TSPAN18: variants seen among roughly 807,000 people sequenced by gnomAD.
TSPAN18 encodes the protein tetraspanin-18.
A neutral mutation model predicts 27.3 loss-of-function variants in TSPAN18; 14 were observed. The observed-to-expected ratio is 0.51, with a 90% CI of 0.34 to 0.80. The LOEUF (loss-of-function observed/expected upper bound fraction) is 0.80, where lower values mean the gene tolerates loss of function less well. Among genes scored for constraint, TSPAN18 ranks in the 30% least tolerant of loss-of-function variants. The probability of loss-of-function intolerance (pLI) is 0.01; values close to 1 mark genes in which losing one functional copy is unlikely to be tolerated. For synonymous variants in TSPAN18, 143 were observed against 136.5 expected, an observed-to-expected ratio of 1.05 and a Z score of -0.33; for missense variants, 268 against 323.9, an observed-to-expected ratio of 0.83 and a Z score of 1.32.
intron 2 of TSPAN18, among the ~76,000 whole-genome samples, chr11:44,858,830 C>CAT (rs1857803670): frequency 6.6e-6 from 1 of 151,998 alleles, no homozygotes; most frequent in African/African-American, 2.4e-5. Flanking sequence ...CTGGTGAGCC[C>CAT]GCAAGAATGG....
intron 3 of TSPAN18, among the ~76,000 whole-genome samples, chr11:44,891,099 A>C (rs1263649482): frequency 6.6e-6 from 1 of 152,204 alleles, no homozygotes; most frequent in Non-Finnish European, 1.5e-5. Context: ...TGAGTCCAGA[A>C]GTTGGAGGCT....
intron 3 of TSPAN18, among the ~76,000 whole-genome samples, chr11:44,878,241 G>T (rs955444443): frequency 6.6e-6 from 1 of 152,082 alleles, no homozygotes; most frequent in Non-Finnish European, 1.5e-5. Flanking sequence ...GAGCGGCAGC[G>T]GACCTGGCTG....
chr11:44,894,111 G>A (rs906470768), intron 3 of TSPAN18, among the ~76,000 whole-genome samples: 3 of 152,230 alleles, frequency 2.0e-5, no homozygotes, highest in Non-Finnish European at 4.4e-5. Flanking sequence ...AGGGAACGGG[G>A]TGTGCAGCCT....
intron 3 of TSPAN18, among the ~76,000 whole-genome samples, chr11:44,878,968 T>C (rs963575098): frequency 6.6e-6 from 1 of 152,140 alleles, no homozygotes; most frequent in African/African-American, 2.4e-5. Context: ...GAAATGCTAA[T>C]AGCACCTCCC....
In TSPAN18 at chr11:44,807,283, C is replaced by T. The variant is rs1298905213; in HGVS notation, c.-153+42771C>T. 5.6e-5 allele frequency among the ~76,000 whole-genome samples: 8 copies of T among 142,578 alleles called. 1 individual carries two copies. The highest frequency in any genetic ancestry group is 2.7e-5 in the African/African-American group (1 of 37,682). The allele number at this position is 142,578 out of a possible 152,430, so 93.5% of individuals were successfully genotyped here. On this transcript the variant is annotated intron_variant, in intron 2 of 9. Transcript: ENST00000520358. ...GTGGCTCATGCCTATAATCTCAGCA[C>T]TTTGGGAGCCCGAGGTGAGTAGATC... is the stretch of plus-strand genomic sequence containing the variant.
At chr11:44,834,591 G>A (rs1439703412) in intron 2 of TSPAN18, among the ~76,000 whole-genome samples, 2 of 152,278 alleles carry the variant, frequency 1.3e-5, no homozygotes, top group Admixed American at 6.5e-5. Flanking sequence ...TCTCTAGGGA[G>A]TTGGGGAAGT....
intron 7 of TSPAN18, chr11:44,919,543 T>G: frequency 1.6e-6 from 1 of 610,970 alleles, no homozygotes; most frequent in Non-Finnish European, 2.9e-6. Context: ...CAATGGTCAT[T>G]ATGATGATGA....
At chr11:44,828,546 G>T (rs559165504) in intron 2 of TSPAN18, among the ~76,000 whole-genome samples, 1 of 152,312 alleles carries the variant, frequency 6.6e-6, no homozygotes, top group Admixed American at 6.5e-5. Flanking sequence ...GGTCTGAGCT[G>T]AATGCATGAA....
Position 44,783,253 on chromosome 11 carries a change from A to G in TSPAN18, c.-153+18741A>G, listed in dbSNP as rs1015507751. On this transcript the variant is annotated intron_variant, in intron 2 of 9. Transcript: ENST00000520358. ...GCAAAGATTTCTTAGATACCTAACC[A>G]TAAAAGGGAAACTTGATAAACTGAC... Among the ~76,000 whole-genome samples the G allele has an allele frequency of 5.3e-5, 8 of 152,362 alleles. No individual in the cohort carries two copies. The East Asian group carries it at 1.5e-3, about 29-fold the overall frequency.
At chr11:44,805,245 G>C (rs1398518899) in intron 2 of TSPAN18, among the ~76,000 whole-genome samples, 3 of 152,212 alleles carry the variant, frequency 2.0e-5, no homozygotes, top group Non-Finnish European at 2.9e-5. Context: ...AAATGGGAGC[G>C]GCAGATGCGT....
intron 3 of TSPAN18, among the ~76,000 whole-genome samples, chr11:44,881,936 G>A (rs923384525): frequency 1.3e-5 from 2 of 152,196 alleles, no homozygotes; most frequent in Admixed American, 6.5e-5. Context: ...AACATTTGCT[G>A]TTGGAATTAT....
At chr11:44,779,823 G>A (rs1418327724) in intron 2 of TSPAN18, among the ~76,000 whole-genome samples, 2 of 151,998 alleles carry the variant, frequency 1.3e-5, no homozygotes, top group Non-Finnish European at 2.9e-5. Context: ...CCACATCCTT[G>A]TGTCTGCCTA....
intron 2 of TSPAN18, among the ~76,000 whole-genome samples, chr11:44,783,341 T>C (rs1284283913): frequency 6.6e-6 from 1 of 151,732 alleles, no homozygotes; most frequent in Non-Finnish European, 1.5e-5. Flanking sequence ...ATAGGAAAGC[T>C]ACAGACTGGA....
intron 2 of TSPAN18, among the ~76,000 whole-genome samples, chr11:44,857,196 G>A (rs1439423619): frequency 6.6e-6 from 1 of 152,220 alleles, no homozygotes; most frequent in Non-Finnish European, 1.5e-5. Flanking sequence ...ACTCTCTGCT[G>A]TTTCCTGGGT....
At chr11:44,809,792 T>C (rs577547689) in intron 2 of TSPAN18, among the ~76,000 whole-genome samples, 1 of 152,362 alleles carries the variant, frequency 6.6e-6, no homozygotes, top group African/African-American at 2.4e-5. Flanking sequence ...AATGGGTTTG[T>C]TATGGGGAAT....
rs61880609 is a variant in TSPAN18 at position 44,755,035 on chromosome 11, G to A, written c.-239-9391G>A. Among the ~76,000 whole-genome samples, 657 of 152,330 alleles carry A rather than the reference G, an allele frequency of 4.3e-3. 1 individual carries two copies. Among genetic ancestry groups the A allele is most frequent in the Non-Finnish European group, 4.7e-3 (320 of 68,028 alleles). On this transcript the variant is annotated intron_variant, in intron 1 of 9. Coordinates refer to ENST00000520358, the MANE Select transcript of TSPAN18 (RefSeq NM_130783.5). The stretch of plus-strand genomic sequence containing the variant: ...CTGTCTGCAGAAAAGCCCCAGACCA[G>A]ATGGGAGGCGTGAGGGGAAATGATT...
At chr11:44,796,117 G>A (rs1308448184) in intron 2 of TSPAN18, among the ~76,000 whole-genome samples, 2 of 152,154 alleles carry the variant, frequency 1.3e-5, no homozygotes, top group African/African-American at 2.4e-5. Context: ...GCCCACATCT[G>A]CTTTTAAAGA....
intron 8 of TSPAN18, among the ~76,000 whole-genome samples, chr11:44,923,987 C>G (rs1317041726): frequency 1.3e-5 from 2 of 152,154 alleles, no homozygotes; most frequent in Non-Finnish European, 2.9e-5. Context: ...CTCAGCTTCC[C>G]TCTGCTGGAC....
At chr11:44,744,314 A>C (rs918772578) in intron 1 of TSPAN18, among the ~76,000 whole-genome samples, 3 of 152,228 alleles carry the variant, frequency 2.0e-5, no homozygotes, top group African/African-American at 4.8e-5. Context: ...TCTGGACTGC[A>C]GTCTTGTCTC....
Sources: gnomAD v4.1 joint callset for allele counts (sites outside exome capture counted in the v4.1 genomes callset) on GRCh38, gnomAD v4.1.1 for gene constraint, MANE v1.5 for transcripts, NCBI Gene and HGNC (gene_info 2026-07-23, HGNC 2026-07-21) for gene names.